Variants in TSPAN9 observed in about 807,000 individuals in gnomAD.
TSPAN9 encodes tetraspanin 9, also known as tetraspanin-9.
In TSPAN9, 16 loss-of-function variants were observed where a neutral mutation model predicts 31.0. The observed-to-expected ratio is 0.52, with a 90% CI of 0.35 to 0.78. TSPAN9 has a LOEUF of 0.78. TSPAN9 is among the 30% of genes least tolerant of loss of function. The pLI, the probability that TSPAN9 is intolerant of heterozygous loss-of-function variation, is 0.01. For synonymous variants in TSPAN9, 145 were observed against 121.6 expected (o/e 1.19, Z -1.27); for missense variants, 272 against 312.5 (o/e 0.87, Z 0.98).
chr12:3,217,331 G>A (rs556810286), intron 3 of TSPAN9, among the ~76,000 whole-genome samples: 4 of 152,276 alleles, frequency 2.6e-5, no homozygotes, highest in South Asian at 2.1e-4. Flanking sequence ...CTACGTGACC[G>A]GCAAGGGAGG....
Position 3,286,184 on chromosome 12 carries a change from G to A in TSPAN9, c.*3068G>A, listed in dbSNP as rs1863012601. 6.5e-6 allele frequency: 1 copy of A among 152,802 alleles called. No homozygotes were observed. Among genetic ancestry groups the A allele is most frequent in the Non-Finnish European group, 1.5e-5 (1 of 68,120 alleles). 9.5% of individuals were successfully genotyped at this position (152,802 alleles called of 1,614,324 possible). ...CTAGCAGGGACGTGGCATAGGATGGGAGCTGGGCGTGAGGTGCTTGGGGTC... is the reference window on the plus strand; with the variant it reads ...CTAGCAGGGACGTGGCATAGGATGGAAGCTGGGCGTGAGGTGCTTGGGGTC... On this transcript the variant is annotated 3_prime_UTR_variant, in exon 9 of 9. Coordinates refer to ENST00000011898, the MANE Select transcript of TSPAN9 (RefSeq NM_006675.5). This position sits in a 1 kb window ranked among gnomAD's most constrained non-coding sequence, Gnocchi z 4.1.
At chr12:3,119,862 C>T (rs765791510) in intron 2 of TSPAN9, among the ~76,000 whole-genome samples, 6 of 152,122 alleles carry the variant, frequency 3.9e-5, no homozygotes, top group Non-Finnish European at 7.4e-5. Context: ...AGGGGAAGTA[C>T]GGTGCCCTGT....
chr12:3,138,657 T>C (rs1342685702), intron 2 of TSPAN9, among the ~76,000 whole-genome samples: 1 of 95,170 alleles, frequency 1.1e-5, no homozygotes, highest in Non-Finnish European at 2.3e-5. Context: ...GACTTTTTTT[T>C]CCTTTTTTTG....
At chr12:3,224,343 G>T (rs990455343) in intron 3 of TSPAN9, among the ~76,000 whole-genome samples, 1 of 152,344 alleles carries the variant, frequency 6.6e-6, no homozygotes, top group Admixed American at 6.5e-5. Flanking sequence ...GCGCCCTCAC[G>T]GGCTGGTGAA....
chr12:3,281,584 C>G, intron 7 of TSPAN9, 150 bp from the exon 8 acceptor site: 2 of 1,090,188 alleles, frequency 1.8e-6, no homozygotes, highest in Non-Finnish European at 2.6e-6. Flanking sequence ...GGGGCGGAGG[C>G]TGCGCCAAGG....
chr12:3,092,515 C>A (rs894562052), intron 2 of TSPAN9, among the ~76,000 whole-genome samples: 1 of 152,162 alleles, frequency 6.6e-6, no homozygotes, highest in African/African-American at 2.4e-5. Flanking sequence ...ACCTATAACA[C>A]CCAGGAGTGG....
chr12:3,158,932 C>T (rs914118736), intron 2 of TSPAN9, among the ~76,000 whole-genome samples: 8 of 151,760 alleles, frequency 5.3e-5, no homozygotes, highest in Non-Finnish European at 1.2e-4. Flanking sequence ...TGGGAACGTA[C>T]TCCTCCTTTG....
intron 2 of TSPAN9, among the ~76,000 whole-genome samples, chr12:3,110,279 A>G (rs2153965280): frequency 6.6e-6 from 1 of 152,312 alleles, no homozygotes; most frequent in Admixed American, 6.5e-5. Flanking sequence ...ATTCCGTTTT[A>G]GATCTCCCTG....
At chr12:3,247,969 G>C (rs660140) in intron 3 of TSPAN9, among the ~76,000 whole-genome samples, 72,278 of 152,086 alleles carry the variant, frequency 0.48, 20,466 homozygotes, top group South Asian at 0.74. Context: ...AGCGCAGCGG[G>C]GCATGGAGGA....
intron 3 of TSPAN9, among the ~76,000 whole-genome samples, chr12:3,215,887 C>T (rs1251380849): frequency 2.0e-5 from 3 of 151,570 alleles, no homozygotes; most frequent in South Asian, 2.1e-4. Context: ...GTAGGTTGGT[C>T]CAGAGCACGT....
At position 3,107,633 on chromosome 12, in the gene TSPAN9, T is replaced by G. The variant is rs1332314131; in HGVS notation, c.-18+23914T>G. ...ACTGGCTTCGTGGTGGCCTCTTCCC[T>G]GTGGGACTGCCAAGCTGCTGCAAGG... On this transcript the variant is annotated intron_variant, in intron 2 of 8. Transcript: ENST00000011898. The surrounding 1 kb of genome is among the most constrained non-coding windows in gnomAD (Gnocchi z 4.1). Among the ~76,000 whole-genome samples, 1 of 152,214 alleles carries G rather than the reference T, an allele frequency of 6.6e-6. No individual in the cohort carries two copies. The highest frequency in any genetic ancestry group is 2.4e-5 in the African/African-American group (1 of 41,456).
chr12:3,138,316 G>T (rs916522348), intron 2 of TSPAN9, among the ~76,000 whole-genome samples: 3 of 152,134 alleles, frequency 2.0e-5, no homozygotes, highest in Non-Finnish European at 2.9e-5. Flanking sequence ...AGGAGAGCGA[G>T]CTCAGTCTCC....
At chr12:3,164,911 T>C (rs577323638) in intron 2 of TSPAN9, among the ~76,000 whole-genome samples, 149 of 152,296 alleles carry the variant, frequency 9.8e-4, no homozygotes, top group African/African-American at 3.4e-3. Context: ...TTTGTGACCT[T>C]GGGATAATCC....
At chr12:3,260,574 A>G (rs964320392) in intron 3 of TSPAN9, among the ~76,000 whole-genome samples, 1 of 152,110 alleles carries the variant, frequency 6.6e-6, no homozygotes, top group East Asian at 1.9e-4. Context: ...TCGGGATCCT[A>G]CTCTACGCGA....
chr12:3,251,736 T>A (rs1862246677), intron 3 of TSPAN9, among the ~76,000 whole-genome samples: 1 of 152,180 alleles, frequency 6.6e-6, no homozygotes. Flanking sequence ...TTCCTCTGAC[T>A]GTTGGCACCA....
chr12:3,218,722 C>A (rs1019602711), intron 3 of TSPAN9, among the ~76,000 whole-genome samples: 1 of 152,192 alleles, frequency 6.6e-6, no homozygotes, highest in Non-Finnish European at 1.5e-5. Flanking sequence ...CTGGGTGCCT[C>A]GGGCCGCCTC....
chr12:3,197,732 C>A (rs2098367896), intron 2 of TSPAN9, among the ~76,000 whole-genome samples: 1 of 121,568 alleles, frequency 8.2e-6, no homozygotes, highest in Non-Finnish European at 1.7e-5. Context: ...AGGTCACCAC[C>A]AGCACAGGCC....
chr12:3,141,615 G>A (rs370539216), intron 2 of TSPAN9, among the ~76,000 whole-genome samples: 79 of 152,254 alleles, frequency 5.2e-4, no homozygotes, highest in African/African-American at 1.9e-3. Context: ...AGCTGCGCTT[G>A]TGTTTTGCCC....
intron 2 of TSPAN9, among the ~76,000 whole-genome samples, chr12:3,188,731 G>GC (rs1365412156): frequency 6.6e-6 from 1 of 152,144 alleles, no homozygotes; most frequent in Non-Finnish European, 1.5e-5. Flanking sequence ...GGACATCTGA[G>GC]CCCCCCGGTG....
Sources: allele counts gnomAD v4.1 joint callset (sites outside exome capture counted in the v4.1 genomes callset), GRCh38; gene constraint gnomAD v4.1.1; non-coding constraint Gnocchi (gnomAD v3.1); transcripts MANE v1.5; gene names NCBI Gene and HGNC (gene_info 2026-07-23, HGNC 2026-07-21).